The following SCAMP2 variants were observed in gnomAD, a reference collection of about 807,000 sequenced individuals.
SCAMP2 encodes secretory carrier-associated membrane protein 2.
SCAMP2 carries 25 observed loss-of-function variants against 44.1 expected under a neutral mutation model. That is an observed-to-expected ratio of 0.57 (90% CI 0.41 to 0.79). The LOEUF is 0.79. Ranked by LOEUF, SCAMP2 falls within the 30% of genes least tolerant of loss-of-function variation. The pLI, the probability that SCAMP2 is intolerant of heterozygous loss-of-function variation, is 0.00. For missense variants in SCAMP2, 355 were observed against 411.0 expected (o/e 0.86, Z 1.18); for synonymous variants, 156 against 166.0 (o/e 0.94, Z 0.46).
At chr15:74,868,358 A>C (rs1363069100) in intron 1 of SCAMP2, among the ~76,000 whole-genome samples, 7 of 152,202 alleles carry the variant, frequency 4.6e-5, no homozygotes, top group Non-Finnish European at 8.8e-5. Context: ...TTAATAAAGA[A>C]CCTTGGATGA....
intron 1 of SCAMP2, among the ~76,000 whole-genome samples, chr15:74,864,425 T>C (rs1290721760): frequency 6.6e-6 from 1 of 151,256 alleles, no homozygotes; most frequent in African/African-American, 2.4e-5. Flanking sequence ...TGTGGAGGGG[T>C]GTGTGGAGAG....
intron 1 of SCAMP2, among the ~76,000 whole-genome samples, chr15:74,866,546 T>C (rs749421412): frequency 6.6e-6 from 1 of 152,072 alleles, no homozygotes; most frequent in African/African-American, 2.4e-5. Flanking sequence ...ACCCCACCTC[T>C]ACGAAAAATA....
At chr15:74,867,646 G>A (rs902603028) in intron 1 of SCAMP2, among the ~76,000 whole-genome samples, 19 of 152,244 alleles carry the variant, frequency 1.2e-4, no homozygotes, top group African/African-American at 3.9e-4. Flanking sequence ...TCTGCACAGG[G>A]AAATTCAAGT....
chr15:74,851,614 T>TGCATGGA, intron 4 of SCAMP2, 133 bp from the exon 5 acceptor site: 1 of 1,088,306 alleles, frequency 9.2e-7, no homozygotes, highest in Non-Finnish European at 1.3e-6. Flanking sequence ...GCTTGGAGTC[T>TGCATGGA]GCATGGAGCA....
intron 1 of SCAMP2, among the ~76,000 whole-genome samples, chr15:74,861,900 C>CAAAAAAAA (rs71140103): frequency 2.3e-4 from 10 of 43,998 alleles, no homozygotes; most frequent in East Asian, 6.9e-4. Flanking sequence ...GACTCTGTCT[C>CAAAAAAAA]AAAAAAAAAA....
At chr15:74,866,477 G>A (rs186055394) in intron 1 of SCAMP2, among the ~76,000 whole-genome samples, 5 of 152,196 alleles carry the variant, frequency 3.3e-5, no homozygotes, top group South Asian at 2.1e-4. Flanking sequence ...CCGGGAGACC[G>A]AGGTGGGTGG....
intron 1 of SCAMP2, among the ~76,000 whole-genome samples, chr15:74,858,682 G>C (rs1189930064): frequency 6.6e-6 from 1 of 151,906 alleles, no homozygotes; most frequent in African/African-American, 2.4e-5. Flanking sequence ...GCCTGGTACG[G>C]AGCCTGACAA....
intron 7 of SCAMP2, among the ~76,000 whole-genome samples, chr15:74,847,820 A>G (rs893203889): frequency 1.3e-5 from 2 of 152,184 alleles, no homozygotes; most frequent in Non-Finnish European, 1.5e-5. Context: ...CCGTATGCTC[A>G]AAGAGGGCAG....
rs200655839 is a variant in SCAMP2 at position 74,873,247 on chromosome 15, A to G, written c.9T>C (p.Ala3=). The change falls in exon 1 of 9, where the codon GCT becomes GCC. Residue 3 remains alanine, a synonymous_variant. Coordinates refer to ENST00000268099, the MANE Select transcript of SCAMP2 (RefSeq NM_005697.5). MS[A]FDTNPFADPV... ...GGTCCGCGAAGGGGTTGGTGTCGAA[A>G]GCCGACATGGTGATCGGGGGCCAGC... The G allele has an allele frequency of 1.4e-6, 2 of 1,469,780 alleles. No individual in the cohort carries two copies. Among genetic ancestry groups the G allele is most frequent in the African/African-American group, 3.0e-5 (2 of 67,232 alleles). 91.0% of individuals were successfully genotyped at this position (1,469,780 alleles called of 1,614,324 possible). A position where few individuals can be genotyped will look rare whatever the true frequency, so the allele number is the denominator to read the frequency against.
At chr15:74,864,115 G>A (rs74871979) in intron 1 of SCAMP2, among the ~76,000 whole-genome samples, 12,194 of 152,230 alleles carry the variant, frequency 0.08, 928 homozygotes, top group South Asian at 0.35. Context: ...AGGCTGGAGT[G>A]CAGTGGCGTG....
intron 1 of SCAMP2, among the ~76,000 whole-genome samples, chr15:74,857,241 T>C (rs978553631): frequency 2.0e-5 from 3 of 152,202 alleles, no homozygotes; most frequent in Admixed American, 2.0e-4. Flanking sequence ...ACTGTGGCTA[T>C]GTTCTTCCTG....
At chr15:74,852,216 GC>G in intron 3 of SCAMP2, 30 bp from the exon 4 acceptor site, 1 of 1,419,616 alleles carries the variant, frequency 7.0e-7, no homozygotes. Context: ...TACAGGGACA[GC>G]CAGACACAAC....
chr15:74,849,855 A>T (rs1025649622), intron 6 of SCAMP2, among the ~76,000 whole-genome samples: 4 of 152,238 alleles, frequency 2.6e-5, no homozygotes, highest in Non-Finnish European at 4.4e-5. Context: ...AGGGGACACC[A>T]GACAAAACTC....
chr15:74,863,322 G>A (rs571917540), intron 1 of SCAMP2, among the ~76,000 whole-genome samples: 1 of 151,050 alleles, frequency 6.6e-6, no homozygotes, highest in African/African-American at 2.4e-5. Flanking sequence ...ACTCCAGCCT[G>A]GGCAACAGAG....
Position 74,852,198 on chromosome 15 carries a change from AG to A in SCAMP2, c.226-13del, listed in dbSNP as rs111788620. ...GCAGACACCACGGCCTGGAGAGAAC[AG>A]GGGAGGTACAGGGACAGCCAGACAC... is the stretch of plus-strand genomic sequence containing the variant. On this transcript the variant is annotated splice_polypyrimidine_tract_variant and intron_variant, in intron 3 of 8. Coordinates refer to ENST00000268099, the MANE Select transcript of SCAMP2 (RefSeq NM_005697.5). The A allele has an allele frequency of 6.7e-7, 1 of 1,491,150 alleles. No homozygotes were observed. The highest frequency in any genetic ancestry group is 2.6e-5 in the East Asian group (1 of 39,006). 92.4% of individuals were successfully genotyped at this position (1,491,150 alleles called of 1,614,324 possible). A position where few individuals can be genotyped will look rare whatever the true frequency, so the allele number is the denominator to read the frequency against.
Position 74,873,336 on chromosome 15 carries a change from C to T in SCAMP2, c.-81G>A. 7.6e-7 allele frequency: 1 copy of T among 1,308,786 alleles called. No individual in the cohort carries two copies. Among genetic ancestry groups the T allele is most frequent in the Non-Finnish European group, 1.0e-6 (1 of 986,690 alleles). 81.1% of individuals were successfully genotyped at this position (1,308,786 alleles called of 1,614,324 possible). A position where few individuals can be genotyped will look rare whatever the true frequency, so the allele number is the denominator to read the frequency against. ...GACCCAGCGGCGCTTCGTGTAGACC[C>T]TCCACTTCCGGGAGCGAGGCAGCGG... On this transcript the variant is annotated 5_prime_UTR_variant, in exon 1 of 9. Transcript: ENST00000268099.
At chr15:74,866,370 G>C (rs1016049714) in intron 1 of SCAMP2, among the ~76,000 whole-genome samples, 2 of 151,926 alleles carry the variant, frequency 1.3e-5, no homozygotes, top group East Asian at 3.9e-4. Flanking sequence ...AGGGATGACA[G>C]CAAGCAGGAG....
At position 74,844,203 on chromosome 15, in the gene SCAMP2, A is replaced by AGGGGGGGG. The variant is rs375483317; in HGVS notation, c.*872_*879dup. On this transcript the variant is annotated 3_prime_UTR_variant, in exon 9 of 9. Coordinates refer to ENST00000268099, the MANE Select transcript of SCAMP2 (RefSeq NM_005697.5). ...AAGGCAGCCGTCCCTCGGTTCGGGG[A>AGGGGGGGG]GGGGGGGGGGTAGTCACAGCAAACA... 1.5e-5 allele frequency: 1 copy of AGGGGGGGG among 67,062 alleles called. No homozygotes were observed. Among genetic ancestry groups the AGGGGGGGG allele is most frequent in the African/African-American group, 5.9e-5 (1 of 17,094 alleles). 4.2% of individuals were successfully genotyped at this position (67,062 alleles called of 1,614,324 possible).
At chr15:74,853,746 G>A (rs2064450508) in intron 3 of SCAMP2, 3 of 522,766 alleles carry the variant, frequency 5.7e-6, no homozygotes, top group Non-Finnish European at 1.0e-5. Flanking sequence ...GTACAACAGG[G>A]ACAAATGCCC....
Sources: allele counts gnomAD v4.1 joint callset (sites outside exome capture counted in the v4.1 genomes callset), GRCh38; gene constraint gnomAD v4.1.1; transcripts MANE v1.5; gene names NCBI Gene and HGNC (gene_info 2026-07-23, HGNC 2026-07-21).